C4orf50: variants seen among roughly 807,000 people sequenced by gnomAD.
C4orf50 encodes chromosome 4 open reading frame 50.
In C4orf50, 80 loss-of-function variants were observed where a neutral mutation model predicts 77.2. The ratio of observed to expected loss-of-function variants is 1.04; its 90% CI spans 0.87 to 1.25. C4orf50 has a LOEUF of 1.25. Ranked by LOEUF, C4orf50 falls within the 50% of genes most tolerant of loss-of-function variation. C4orf50 has a pLI of 0.00. For synonymous variants in C4orf50, 532 were observed against 465.3 expected, an observed-to-expected ratio of 1.14 and a Z score of -1.84; for missense variants, 1,257 against 1,152.9, an observed-to-expected ratio of 1.09 and a Z score of -1.31.
chr4:5,928,205 G>A (rs192936515), intron 7 of C4orf50, among the ~76,000 whole-genome samples: 11 of 152,248 alleles, frequency 7.2e-5, no homozygotes. Flanking sequence ...AAATTACTCG[G>A]AAACAGTATC....
chr4:5,953,193 C>T (rs2108757671), downstream of C4orf50, among the ~76,000 whole-genome samples: 1 of 152,290 alleles, frequency 6.6e-6, no homozygotes, highest in East Asian at 1.9e-4. Context: ...TGAATCCCAG[C>T]CCTCTGCCTG....
At chr4:5,971,225 A>T (rs1313004659) in intron 31 of C4orf50, among the ~76,000 whole-genome samples, 1 of 152,172 alleles carries the variant, frequency 6.6e-6, no homozygotes, top group Non-Finnish European at 1.5e-5. Flanking sequence ...AAAGGCCCCC[A>T]TCGGGAATTC....
intron 7 of C4orf50, among the ~76,000 whole-genome samples, chr4:5,924,569 C>T (rs1420775241): frequency 6.6e-6 from 1 of 152,156 alleles, no homozygotes; most frequent in Non-Finnish European, 1.5e-5. Flanking sequence ...CGCTGTGAAC[C>T]GTCAATCCCT....
chr4:5,953,529 G>C (rs1057494990), downstream of C4orf50, among the ~76,000 whole-genome samples: 3 of 152,180 alleles, frequency 2.0e-5, no homozygotes, highest in Admixed American at 6.5e-5. Flanking sequence ...GGTGATAAAA[G>C]GTAGGACTCA....
intron 23 of C4orf50, among the ~76,000 whole-genome samples, chr4:6,014,777 G>A (rs755536503): frequency 3.9e-5 from 6 of 152,220 alleles, no homozygotes; most frequent in Non-Finnish European, 8.8e-5. Flanking sequence ...GGGCAAGTAT[G>A]GGAGGGCCCA....
intron 31 of C4orf50, among the ~76,000 whole-genome samples, chr4:5,971,336 T>G (rs76418723): frequency 0.21 from 32,480 of 152,162 alleles, 4,345 homozygotes; most frequent in East Asian, 0.67. Context: ...ACGCCCACCC[T>G]GCTGTCCACT....
At chr4:6,010,494 T>TAC (rs1391576869) in intron 24 of C4orf50, among the ~76,000 whole-genome samples, 1 of 152,250 alleles carries the variant, frequency 6.6e-6, no homozygotes, top group Non-Finnish European at 1.5e-5. Context: ...ATGCTCATTA[T>TAC]ACACACACCT....
intron 31 of C4orf50, among the ~76,000 whole-genome samples, chr4:5,969,308 AT>A (rs1393706257): frequency 1.3e-5 from 2 of 151,902 alleles, no homozygotes; most frequent in Non-Finnish European, 2.9e-5. Context: ...GGGATTGCTG[AT>A]TTAATGAACT....
chr4:5,910,809 TG>T (rs1407145043), intron 7 of C4orf50, among the ~76,000 whole-genome samples: 4 of 151,614 alleles, frequency 2.6e-5, no homozygotes, highest in Admixed American at 6.6e-5. Flanking sequence ...GTCAGTGGAG[TG>T]GGGGGGATAC....
exon 28 of C4orf50, chr4:5,990,497 T>G (rs888273432): frequency 1.0e-4 from 41 of 399,204 alleles, no homozygotes; most frequent in African/African-American, 8.0e-4. Context: ...CGGCCTCTTG[T>G]CTGGTGACAA....
At chr4:5,912,978 C>T (rs941998891) in intron 7 of C4orf50, among the ~76,000 whole-genome samples, 11 of 152,184 alleles carry the variant, frequency 7.2e-5, no homozygotes, top group Admixed American at 2.0e-4. Context: ...ATATGAAAGG[C>T]GTGCTCACAG....
rs544014164 is a variant in C4orf50, at chr4:5,920,686, G to C, written c.*2475-22498C>G. Among the ~76,000 whole-genome samples, 923 of 152,106 alleles carry C rather than the reference G, an allele frequency of 6.1e-3. 6 individuals are homozygous for C. The highest frequency in any genetic ancestry group is 0.019 in the African/African-American group (801 of 41,516). On this transcript the variant is annotated intron_variant, in intron 7 of 7. Coordinates refer to the C4orf50 transcript ENST00000324058. ...GAGATGGGCTTTCACCATTTGGCCA[G>C]GCTGGTCTTGAACTCCTCACCTCAG...
At chr4:6,014,189 A>G (rs1329124816) in intron 23 of C4orf50, among the ~76,000 whole-genome samples, 1 of 151,992 alleles carries the variant, frequency 6.6e-6, no homozygotes, top group Admixed American at 6.6e-5. Context: ...TTTAGTAGAG[A>G]CAGGGTTTCT....
chr4:5,919,164 C>A lies in C4orf50; in HGVS notation c.*2475-20976G>T, dbSNP rs898140521. 6.6e-6 allele frequency among the ~76,000 whole-genome samples: 1 copy of A among 152,108 alleles called. No homozygotes were observed. Among genetic ancestry groups the A allele is most frequent in the South Asian group, 2.1e-4 (1 of 4,808 alleles). Reference sequence around the variant, plus strand: ...CTGGGGTGTGGGGGCAACGTCAGATCGCAGGACTCCTCTCTCATTCAGGGC... The same window carrying A: ...CTGGGGTGTGGGGGCAACGTCAGATAGCAGGACTCCTCTCTCATTCAGGGC... On this transcript the variant is annotated intron_variant, in intron 7 of 7. Coordinates refer to the C4orf50 transcript ENST00000324058. The surrounding 1 kb of genome is among the most constrained non-coding windows in gnomAD (Gnocchi z 6.5).
rs747528708 is a variant in C4orf50, at chr4:5,916,455, C to T, written c.*2475-18267G>A. Among the ~76,000 whole-genome samples the T allele has an allele frequency of 2.8e-4, 42 of 152,136 alleles. No homozygotes were observed. Among genetic ancestry groups the T allele is most frequent in the Admixed American group, 8.5e-4 (13 of 15,280 alleles). On this transcript the variant is annotated intron_variant, in intron 7 of 7. Coordinates refer to the C4orf50 transcript ENST00000324058. The surrounding 1 kb of genome is among the most constrained non-coding windows in gnomAD (Gnocchi z 4.4). ...CAGACCCCAGGCACTGGGTTGTTTT[C>T]CCTCACATCGCAGCCCACTCCCTTC...
chr4:5,993,537 C>T (rs1721408999), intron 26 of C4orf50, among the ~76,000 whole-genome samples: 2 of 152,314 alleles, frequency 1.3e-5, no homozygotes, highest in East Asian at 1.9e-4. Context: ...TGGGCTCAAG[C>T]CGGGTGTGGT....
In C4orf50 at chr4:6,008,637, G is replaced by A. The variant is rs1041540880; in HGVS notation, c.427-105C>T. 1.5e-5 allele frequency: 6 copies of A among 392,906 alleles called. No homozygotes were observed. The highest frequency in any genetic ancestry group is 1.1e-4 in the East Asian group (3 of 27,624). 24.3% of individuals were successfully genotyped at this position (392,906 alleles called of 1,614,324 possible). The stretch of plus-strand genomic sequence containing the variant: ...CATTTCTGTATTTTGTGCATGGTGC[G>A]TTTTTGCATTTTGTGCATTGTAATA... On this transcript the variant is annotated intron_variant, in intron 24 of 33. Coordinates refer to ENST00000531445, the Ensembl canonical transcript of C4orf50. This position sits in a 1 kb window ranked among gnomAD's most constrained non-coding sequence, Gnocchi z 6.0.
Position 5,992,908 on chromosome 4 carries a change from G to A in C4orf50, c.1116C>T (p.Cys372=). The change falls in exon 27 of 34, where the codon TGC becomes TGT. Residue 372 remains cysteine (C), a synonymous_variant. Transcript: ENST00000531445. This position sits in a 1 kb window ranked among gnomAD's most constrained non-coding sequence, Gnocchi z 5.0. The stretch of plus-strand genomic sequence containing the variant: ...GTCCAGGCCTGATGCGGCTCCAGGT[G>A]CAGGGCCCCTCTGGGGACTGGCCTG... 2.5e-6 allele frequency: 1 copy of A among 399,114 alleles called. No individual in the cohort carries two copies. The highest frequency in any genetic ancestry group is 4.4e-6 in the Non-Finnish European group (1 of 226,120). The allele number at this position is 399,114 out of a possible 1,614,324, so 24.7% of individuals were successfully genotyped here. A position where few individuals can be genotyped will look rare whatever the true frequency, so the allele number is the denominator to read the frequency against.
intron 33 of C4orf50, among the ~76,000 whole-genome samples, chr4:5,964,709 A>G (rs959422981): frequency 1.4e-5 from 2 of 146,986 alleles, no homozygotes; most frequent in Non-Finnish European, 3.0e-5. Context: ...CAGAGGTTGC[A>G]GTGAGCCGAG....
Sources: gnomAD v4.1 joint callset for allele counts (sites outside exome capture counted in the v4.1 genomes callset) on GRCh38, gnomAD v4.1.1 for gene constraint, Gnocchi (gnomAD v3.1) non-coding constraint, MANE v1.5 for transcripts, NCBI Gene and HGNC (gene_info 2026-07-23, HGNC 2026-07-21) for gene names.